SLU7: variants seen among roughly 807,000 people sequenced by gnomAD.
SLU7 encodes the protein pre-mRNA-splicing factor SLU7.
Under a neutral mutation model 87.0 loss-of-function variants are expected in SLU7, and 60 were observed. That is an observed-to-expected ratio of 0.69 (90% CI 0.56 to 0.86). The LOEUF is 0.86. SLU7 is among the 40% of genes least tolerant of loss of function. The pLI, the probability that SLU7 is intolerant of heterozygous loss-of-function variation, is 0.00. For missense variants in SLU7, 507 were observed against 686.6 expected, an observed-to-expected ratio of 0.74 and a Z score of 2.92; for synonymous variants, 197 against 222.0, an observed-to-expected ratio of 0.89 and a Z score of 1.00.
At chr5:160,414,876 G>T (rs1048867972) in intron 2 of SLU7, among the ~76,000 whole-genome samples, 3 of 152,142 alleles carry the variant, frequency 2.0e-5, no homozygotes, top group Admixed American at 6.5e-5. Flanking sequence ...AAAATAGAAA[G>T]ATTTCATAGC....
chr5:160,403,542 C>T (rs1764875916), intron 15 of SLU7, 78 bp from the exon 16 acceptor site: 1 of 1,279,214 alleles, frequency 7.8e-7, no homozygotes, highest in East Asian at 2.5e-5. Flanking sequence ...AGTACCAACA[C>T]ACCCCACTGA....
At position 160,403,185 on chromosome 5, in the gene SLU7, C is replaced by T; in HGVS notation, c.*100G>A. The T allele has an allele frequency of 1.1e-6, 1 of 882,360 alleles. No homozygotes were observed. The highest frequency in any genetic ancestry group is 2.3e-5 in the South Asian group (1 of 44,116). The allele number at this position is 882,360 out of a possible 1,614,324, so 54.7% of individuals were successfully genotyped here. On this transcript the variant is annotated 3_prime_UTR_variant, in exon 16 of 16. Coordinates refer to ENST00000297151, the MANE Select transcript of SLU7 (RefSeq NM_006425.5). ...TGAAATATTTATTAAAGCCAGGCAGCAAGAAGAATAAACAAGGATTTTTCT... is the reference window on the plus strand; with the variant it reads ...TGAAATATTTATTAAAGCCAGGCAGTAAGAAGAATAAACAAGGATTTTTCT...
At position 160,412,538 on chromosome 5, in the gene SLU7, G is replaced by GAAAA. The variant is rs5872643; in HGVS notation, c.571-20_571-19insTTTT. ...GTTTTGCCTTTAAAAAAAAAAAAAAGAAAGAAAGAAAGAAAAAGTAAACAT... is the reference window on the plus strand; with the variant it reads ...GTTTTGCCTTTAAAAAAAAAAAAAAGAAAAAAAGAAAGAAAGAAAAAGTAAACAT... On this transcript the variant is annotated intron_variant, in intron 5 of 15. Transcript: ENST00000297151. The GAAAA allele has an allele frequency of 1.1e-5, 11 of 960,532 alleles. No individual in the cohort carries two copies. In the Admixed American group the frequency reaches 2.6e-4, roughly 23 times the overall value. The allele number at this position is 960,532 out of a possible 1,614,324, so 59.5% of individuals were successfully genotyped here. A position where few individuals can be genotyped will look rare whatever the true frequency, so the allele number is the denominator to read the frequency against.
In SLU7 at chr5:160,406,609, C is replaced by T. The variant is rs1486196965; in HGVS notation, c.1146G>A (p.Leu382=). ...AAAGCAATTCAGCTGGAGGGGCATC[C>T]AAATGTTCTTGGCCACCATACTAAA... ...ILEKYGGQEH[L]DAPPAELLLA... is the part of the protein sequence containing the mutation. Residue 382 remains leucine (L), a synonymous_variant, in exon 12 of 16, where the codon TTG becomes TTA. Coordinates refer to ENST00000297151, the MANE Select transcript of SLU7 (RefSeq NM_006425.5). The T allele has an allele frequency of 6.2e-7, 1 of 1,609,754 alleles. No homozygotes were observed. Among genetic ancestry groups the T allele is most frequent in the East Asian group, 2.2e-5 (1 of 44,556 alleles).
chr5:160,404,924 A>G (rs1357729726), intron 13 of SLU7, 44 bp from the exon 14 acceptor site: 1 of 1,516,068 alleles, frequency 6.6e-7, no homozygotes, highest in East Asian at 2.3e-5. Flanking sequence ...CATAGTTACT[A>G]ATCATCTAAG....
At chr5:160,408,177 T>C in intron 8 of SLU7, 109 bp from the exon 9 acceptor site, 2 of 1,134,370 alleles carry the variant, frequency 1.8e-6, no homozygotes, top group Non-Finnish European at 2.6e-6. Flanking sequence ...TGTGTATACA[T>C]TTCTGGGGTT....
At position 160,403,181 on chromosome 5, in the gene SLU7, G is replaced by A; in HGVS notation, c.*104C>T. Reference sequence around the variant, plus strand: ...CATCTGAAATATTTATTAAAGCCAGGCAGCAAGAAGAATAAACAAGGATTT... The same window carrying A: ...CATCTGAAATATTTATTAAAGCCAGACAGCAAGAAGAATAAACAAGGATTT... On this transcript the variant is annotated 3_prime_UTR_variant, in exon 16 of 16. Coordinates refer to ENST00000297151, the MANE Select transcript of SLU7 (RefSeq NM_006425.5). 1.2e-6 allele frequency: 1 copy of A among 828,932 alleles called. No homozygotes were observed. Among genetic ancestry groups the A allele is most frequent in the Non-Finnish European group, 1.8e-6 (1 of 555,020 alleles). The allele number at this position is 828,932 out of a possible 1,614,324, so 51.3% of individuals were successfully genotyped here.
chr5:160,409,413 A>T (rs553694625), intron 6 of SLU7, among the ~76,000 whole-genome samples: 6 of 147,696 alleles, frequency 4.1e-5, no homozygotes, highest in African/African-American at 1.2e-4. Flanking sequence ...AAAAATACTT[A>T]AAAAAAAAGA....
chr5:160,417,438 T>C (rs184270778), intron 1 of SLU7, among the ~76,000 whole-genome samples: 19 of 152,336 alleles, frequency 1.2e-4, no homozygotes, highest in Admixed American at 1.2e-3. Flanking sequence ...TTTACACTTA[T>C]TTAAACTAAT....
rs1366268723 is a variant in SLU7, at chr5:160,401,763, TTAAAG to T, written c.*1517_*1521del. 8 of 152,266 alleles carry T rather than the reference TTAAAG, an allele frequency of 5.3e-5. No individual in the cohort carries two copies. Among genetic ancestry groups the T allele is most frequent in the East Asian group, 1.9e-4 (1 of 5,204 alleles). The allele number at this position is 152,266 out of a possible 1,614,324, so 9.4% of individuals were successfully genotyped here. ...GGAAAATGAACATTGTTTTTCATTC[TTAAAG>T]TAAATAGGAATTAAATCTATTTGCA... On this transcript the variant is annotated 3_prime_UTR_variant, in exon 16 of 16. Transcript: ENST00000297151.
rs1207770447 is a variant in SLU7 at position 160,404,375 on chromosome 5, AAAC to A, written c.1581+62_1581+64del. 1.5e-5 allele frequency: 16 copies of A among 1,076,612 alleles called. No individual in the cohort carries two copies. In the South Asian group the frequency reaches 1.5e-4, roughly 10 times the overall value. The allele number at this position is 1,076,612 out of a possible 1,614,324, so 66.7% of individuals were successfully genotyped here. A position where few individuals can be genotyped will look rare whatever the true frequency, so the allele number is the denominator to read the frequency against. On this transcript the variant is annotated intron_variant, in intron 15 of 15. Coordinates refer to ENST00000297151, the MANE Select transcript of SLU7 (RefSeq NM_006425.5). ...GCAAGACCCTGTCTCAAAAAAATAA[AAAC>A]AACCCAAAAAACAAAGAATACTGCT...
rs769213068 is a variant in SLU7, at chr5:160,413,853, GA to G, written c.405+45del. The G allele has an allele frequency of 4.6e-5, 61 of 1,331,002 alleles. No homozygotes were observed. The African/African-American group carries it at 8.5e-4, about 18-fold the overall frequency. 82.4% of individuals were successfully genotyped at this position (1,331,002 alleles called of 1,614,324 possible). Reference sequence around the variant, plus strand: ...AGTTAGCTCTCTGACAAAGAAAAAAGAAAGACTCTGACAACGGTTTTCAAAA... The same window carrying G: ...AGTTAGCTCTCTGACAAAGAAAAAAGAAGACTCTGACAACGGTTTTCAAAA... On this transcript the variant is annotated intron_variant, in intron 4 of 15. Coordinates refer to ENST00000297151, the MANE Select transcript of SLU7 (RefSeq NM_006425.5).
chr5:160,406,890 A>C (rs1336931379), intron 11 of SLU7, among the ~76,000 whole-genome samples: 1 of 152,246 alleles, frequency 6.6e-6, no homozygotes, highest in Non-Finnish European at 1.5e-5. Context: ...CCCTTTTGCC[A>C]CAGGGCTTTG....
intron 12 of SLU7, 70 bp from the exon 13 acceptor site, chr5:160,405,205 G>T: frequency 1.9e-6 from 2 of 1,075,502 alleles, no homozygotes; most frequent in South Asian, 1.3e-5. Flanking sequence ...CTGTTGATAA[G>T]AGTATAAAAT....
intron 1 of SLU7, among the ~76,000 whole-genome samples, chr5:160,417,553 C>G (rs889685607): frequency 6.6e-6 from 1 of 152,072 alleles, no homozygotes; most frequent in Non-Finnish European, 1.5e-5. Flanking sequence ...TTTGGGAGGC[C>G]GAGGCGGGCG....
At chr5:160,418,584 C>T (rs1410289375) in intron 1 of SLU7, 1 of 152,206 alleles carries the variant, frequency 6.6e-6, no homozygotes, top group Non-Finnish European at 1.5e-5. Flanking sequence ...CACTGTTTAG[C>T]GCTTTACTTA....
At chr5:160,410,294 T>A (rs895432491) in intron 6 of SLU7, among the ~76,000 whole-genome samples, 2 of 152,240 alleles carry the variant, frequency 1.3e-5, no homozygotes, top group Non-Finnish European at 2.9e-5. Flanking sequence ...GAAATATAAA[T>A]ATTTTGTAAA....
chr5:160,416,890 T>C (rs924369820), intron 1 of SLU7, among the ~76,000 whole-genome samples: 1 of 152,210 alleles, frequency 6.6e-6, no homozygotes, highest in African/African-American at 2.4e-5. Context: ...TCCCAAGTGT[T>C]GTGGGAGAGA....
rs1483324358 is a variant in SLU7 at position 160,415,320 on chromosome 5, GA to G, written c.-16-11del. 1.3e-6 allele frequency: 2 copies of G among 1,525,944 alleles called. No individual in the cohort carries two copies. The highest frequency in any genetic ancestry group is 2.6e-5 in the South Asian group (2 of 76,608). 94.5% of individuals were successfully genotyped at this position (1,525,944 alleles called of 1,614,324 possible). A position where few individuals can be genotyped will look rare whatever the true frequency, so the allele number is the denominator to read the frequency against. On this transcript the variant is annotated splice_polypyrimidine_tract_variant and intron_variant, in intron 1 of 15. Coordinates refer to ENST00000297151, the MANE Select transcript of SLU7 (RefSeq NM_006425.5). ...GGTTATCTGGCCTCCTCTAGGAAAA[GA>G]AGTGAAACTTACAGTAAAAAGTAGG...
Sources: allele counts gnomAD v4.1 joint callset (sites outside exome capture counted in the v4.1 genomes callset), GRCh38; gene constraint gnomAD v4.1.1; transcripts MANE v1.5; gene names NCBI Gene and HGNC (gene_info 2026-07-23, HGNC 2026-07-21).